The following MCHR2 variants were observed in gnomAD, a reference collection of about 807,000 sequenced individuals.
The protein encoded by MCHR2 is melanin-concentrating hormone receptor 2.
Under a neutral mutation model 24.8 loss-of-function variants are expected in MCHR2, and 15 were observed. The ratio of observed to expected loss-of-function variants is 0.60; its 90% CI spans 0.40 to 0.93. The LOEUF is 0.93. Ranked by LOEUF, MCHR2 falls within the 40% of genes least tolerant of loss-of-function variation. MCHR2 has a pLI of 0.00. For synonymous variants in MCHR2, 151 were observed against 147.6 expected (o/e 1.02, Z -0.17); for missense variants, 386 against 408.7 (o/e 0.94, Z 0.48).
rs1389902356 is a variant in MCHR2 at position 99,918,740 on chromosome 6, ATATGCT to A, written c.*2194_*2199del. Reference sequence around the variant, plus strand: ...ATCACCTCTGTAAATCTGCATATAAATATGCTTATGCATAGAAACGCTATATAAAGG... The same window carrying A: ...ATCACCTCTGTAAATCTGCATATAAATATGCATAGAAACGCTATATAAAGG... On this transcript the variant is annotated 3_prime_UTR_variant, in exon 6 of 6. Coordinates refer to ENST00000281806, the MANE Select transcript of MCHR2 (RefSeq NM_001040179.2). Among the ~76,000 whole-genome samples, 2 of 152,212 alleles carry A rather than the reference ATATGCT, an allele frequency of 1.3e-5. No homozygotes were observed. The highest frequency in any genetic ancestry group is 4.8e-5 in the African/African-American group (2 of 41,468).
chr6:99,920,701 A>G lies in MCHR2; in HGVS notation c.*239T>C. The G allele has an allele frequency of 2.1e-6, 1 of 487,328 alleles. No individual in the cohort carries two copies. The highest frequency in any genetic ancestry group is 3.3e-5 in the Admixed American group (1 of 29,968). The allele number at this position is 487,328 out of a possible 1,614,324, so 30.2% of individuals were successfully genotyped here. A position where few individuals can be genotyped will look rare whatever the true frequency, so the allele number is the denominator to read the frequency against. On this transcript the variant is annotated 3_prime_UTR_variant, in exon 6 of 6. Coordinates refer to ENST00000281806, the MANE Select transcript of MCHR2 (RefSeq NM_001040179.2). ...GCTGAAATAATATACACCATCATGA[A>G]GCCTGGGTATCTCAGACTATCCCAT...
intron 5 of MCHR2, among the ~76,000 whole-genome samples, chr6:99,925,158 CTTCT>C (rs1240336117): frequency 6.6e-6 from 1 of 151,936 alleles, no homozygotes; most frequent in Non-Finnish European, 1.5e-5. Context: ...ATATGGTGAT[CTTCT>C]TTGTCTCTTG....
intron 1 of MCHR2, among the ~76,000 whole-genome samples, chr6:99,988,604 T>C (rs1775808917): frequency 6.6e-6 from 1 of 152,066 alleles, no homozygotes; most frequent in Non-Finnish European, 1.5e-5. Flanking sequence ...GGGCTAGAAA[T>C]GGACACACAC....
At chr6:99,975,153 T>C (rs1002510461) in intron 1 of MCHR2, among the ~76,000 whole-genome samples, 9 of 152,290 alleles carry the variant, frequency 5.9e-5, no homozygotes, top group African/African-American at 1.7e-4. Flanking sequence ...TTTTGTTTGT[T>C]TTTTCCCTTC....
At chr6:99,991,058 G>C (rs1775862902) in intron 1 of MCHR2, among the ~76,000 whole-genome samples, 1 of 151,750 alleles carries the variant, frequency 6.6e-6, no homozygotes, top group Non-Finnish European at 1.5e-5. Flanking sequence ...TAACCCCAGG[G>C]AGAGAAAGGG....
intron 5 of MCHR2, among the ~76,000 whole-genome samples, chr6:99,924,484 G>A (rs1039469996): frequency 6.6e-6 from 1 of 151,600 alleles, no homozygotes; most frequent in Non-Finnish European, 1.5e-5. Flanking sequence ...GTTCTTTAAG[G>A]TACATTATTA....
chr6:99,973,278 T>G (rs1313023698), intron 1 of MCHR2, among the ~76,000 whole-genome samples: 7 of 151,908 alleles, frequency 4.6e-5, no homozygotes, highest in African/African-American at 1.5e-4. Context: ...TTATGATAGT[T>G]AGCTCTTCTT....
chr6:99,961,520 G>C (rs1173532200), intron 1 of MCHR2, among the ~76,000 whole-genome samples: 2 of 152,124 alleles, frequency 1.3e-5, no homozygotes, highest in Non-Finnish European at 2.9e-5. Flanking sequence ...GGAATACTAT[G>C]CAGTTATAAA....
chr6:99,972,498 C>A (rs566872402), intron 1 of MCHR2, among the ~76,000 whole-genome samples: 284 of 152,076 alleles, frequency 1.9e-3, no homozygotes, highest in African/African-American at 6.7e-3. Flanking sequence ...TTTGTTGATC[C>A]TTTCAAAAAA....
intron 1 of MCHR2, among the ~76,000 whole-genome samples, chr6:99,973,121 T>C (rs1409770613): frequency 1.3e-5 from 2 of 151,908 alleles, no homozygotes; most frequent in African/African-American, 4.8e-5. Flanking sequence ...GTATCCTTGT[T>C]GACTTTCTGT....
At chr6:99,975,838 A>T (rs1169186252) in intron 1 of MCHR2, among the ~76,000 whole-genome samples, 1 of 152,250 alleles carries the variant, frequency 6.6e-6, no homozygotes, top group East Asian at 1.9e-4. Flanking sequence ...ACTGAACTTT[A>T]TGATAATTCT....
intron 1 of MCHR2, among the ~76,000 whole-genome samples, chr6:99,986,698 T>A (rs1031247513): frequency 2.0e-5 from 3 of 151,966 alleles, no homozygotes; most frequent in African/African-American, 7.3e-5. Context: ...GGGTGAGGGA[T>A]GGAATAATTC....
chr6:99,931,705 G>C (rs1774546136), intron 5 of MCHR2, among the ~76,000 whole-genome samples: 1 of 152,168 alleles, frequency 6.6e-6, no homozygotes, highest in Non-Finnish European at 1.5e-5. Flanking sequence ...GCAGTATTAG[G>C]GTGGGAGTGA....
chr6:99,921,789 C>T lies in MCHR2; in HGVS notation c.708-534G>A, dbSNP rs142301796. Among the ~76,000 whole-genome samples, 52 of 150,128 alleles carry T rather than the reference C, an allele frequency of 3.5e-4. No homozygotes were observed. In the East Asian group the frequency reaches 6.6e-3, roughly 19 times the overall value. ...CTCAGGCCCCTACTACCCTTTCCAG[C>T]CTCTGGTAACCATCTTTCTACTCTC... is the stretch of plus-strand genomic sequence containing the variant. On this transcript the variant is annotated intron_variant, in intron 5 of 5. Coordinates refer to ENST00000281806, the MANE Select transcript of MCHR2 (RefSeq NM_001040179.2).
In MCHR2 at chr6:99,967,301, G is replaced by A. The variant is rs572829664; in HGVS notation, c.-27-11127C>T. Among the ~76,000 whole-genome samples, 7 of 152,094 alleles carry A rather than the reference G, an allele frequency of 4.6e-5. No individual in the cohort carries two copies. In the South Asian group the frequency reaches 1.5e-3, roughly 32 times the overall value. On this transcript the variant is annotated intron_variant, in intron 1 of 5. Coordinates refer to ENST00000281806, the MANE Select transcript of MCHR2 (RefSeq NM_001040179.2). ...TACACAATTTATTCATGATGACTAG[G>A]ACAAGCAAAAGGAGAAATGCATTTA...
At chr6:99,938,475 T>G (rs966648392) in intron 4 of MCHR2, among the ~76,000 whole-genome samples, 3 of 152,130 alleles carry the variant, frequency 2.0e-5, no homozygotes, top group Non-Finnish European at 1.5e-5. Context: ...AGGAGCATGT[T>G]GTTTAATTTA....
chr6:99,991,360 T>A (rs1425380077), intron 1 of MCHR2, among the ~76,000 whole-genome samples: 1 of 152,168 alleles, frequency 6.6e-6, no homozygotes, highest in East Asian at 1.9e-4. Flanking sequence ...CAGGCCTTCC[T>A]AGAAGACTTT....
At chr6:99,932,327 A>G (rs1774564019) in intron 5 of MCHR2, among the ~76,000 whole-genome samples, 1 of 152,188 alleles carries the variant, frequency 6.6e-6, no homozygotes, top group East Asian at 1.9e-4. Flanking sequence ...ATGAGGAGAG[A>G]AGAGCCAGAC....
chr6:99,954,032 C>T (rs1273301927), intron 2 of MCHR2, among the ~76,000 whole-genome samples: 1 of 152,126 alleles, frequency 6.6e-6, no homozygotes, highest in Non-Finnish European at 1.5e-5. Flanking sequence ...GACCTTCTCA[C>T]ATGACCATCC....
Sources: allele counts gnomAD v4.1 joint callset (sites outside exome capture counted in the v4.1 genomes callset), GRCh38; gene constraint gnomAD v4.1.1; transcripts MANE v1.5; gene names NCBI Gene and HGNC (gene_info 2026-07-23, HGNC 2026-07-21).